MAGI2: variants seen among roughly 807,000 people sequenced by gnomAD.
The protein encoded by MAGI2 is membrane-associated guanylate kinase, WW and PDZ domain-containing protein 2.
A neutral mutation model predicts 133.3 loss-of-function variants in MAGI2; 35 were observed. The observed-to-expected ratio is 0.26, with a 90% CI of 0.20 to 0.35. The LOEUF (loss-of-function observed/expected upper bound fraction) is 0.35. Ranked by LOEUF, MAGI2 falls within the 10% of genes least tolerant of loss-of-function variation. The pLI is 1.00. For synonymous variants in MAGI2, 729 were observed against 710.6 expected (o/e 1.03, Z -0.41); for missense variants, 1,636 against 1,863.4 (o/e 0.88, Z 2.25).
intron 6 of MAGI2, among the ~76,000 whole-genome samples, chr7:78,396,285 C>G (rs1184948405): frequency 6.6e-6 from 1 of 152,178 alleles, no homozygotes. Flanking sequence ...CCAAATTCCA[C>G]ACAGAGACTA....
At chr7:78,466,134 A>G (rs1389738318) in intron 6 of MAGI2, among the ~76,000 whole-genome samples, 4 of 152,104 alleles carry the variant, frequency 2.6e-5, no homozygotes, top group African/African-American at 9.6e-5. Flanking sequence ...CTCAATTTGC[A>G]TGAAATTCCA....
At chr7:78,733,902 T>C (rs1030218038) in intron 2 of MAGI2, among the ~76,000 whole-genome samples, 4 of 152,172 alleles carry the variant, frequency 2.6e-5, no homozygotes, top group Non-Finnish European at 5.9e-5. Flanking sequence ...CCAACTGTAA[T>C]GGTCACATAT....
intron 10 of MAGI2, among the ~76,000 whole-genome samples, chr7:78,226,947 T>C (rs1242455227): frequency 1.3e-5 from 2 of 152,230 alleles, no homozygotes; most frequent in African/African-American, 4.8e-5. Flanking sequence ...GGGACATGCA[T>C]GATTAAATGC....
intron 2 of MAGI2, among the ~76,000 whole-genome samples, chr7:78,707,327 G>A (rs1436967056): frequency 6.6e-6 from 1 of 152,068 alleles, no homozygotes; most frequent in African/African-American, 2.4e-5. Context: ...TTTAATTGGT[G>A]ATGTGTTATT....
chr7:79,116,820 C>A (rs1329523045), intron 1 of MAGI2, among the ~76,000 whole-genome samples: 2 of 152,176 alleles, frequency 1.3e-5, no homozygotes, highest in African/African-American at 2.4e-5. Context: ...CCCCCTGTCA[C>A]CATATGATAC....
At chr7:79,352,969 C>CT (rs1286945828) in intron 1 of MAGI2, among the ~76,000 whole-genome samples, 1 of 152,050 alleles carries the variant, frequency 6.6e-6, no homozygotes, top group Non-Finnish European at 1.5e-5. Flanking sequence ...CCTTTACGTA[C>CT]TTTAACTTAT....
At chr7:78,410,722 A>G (rs182911679) in intron 6 of MAGI2, among the ~76,000 whole-genome samples, 13 of 152,024 alleles carry the variant, frequency 8.6e-5, no homozygotes, top group African/African-American at 3.1e-4. Flanking sequence ...GTAAGATGGG[A>G]AAGGAATCAC....
intron 3 of MAGI2, among the ~76,000 whole-genome samples, chr7:78,608,268 A>C (rs1650364853): frequency 6.6e-6 from 1 of 151,890 alleles, no homozygotes; most frequent in Non-Finnish European, 1.5e-5. Context: ...TCCTCTTCAC[A>C]AACCCTTTCT....
chr7:78,870,102 C>G (rs1185243830), intron 2 of MAGI2, among the ~76,000 whole-genome samples: 1 of 151,868 alleles, frequency 6.6e-6, no homozygotes, highest in South Asian at 2.1e-4. Flanking sequence ...GGAACTCCAA[C>G]AAATCACCAA....
At chr7:79,167,646 T>C (rs1825078890) in intron 1 of MAGI2, among the ~76,000 whole-genome samples, 1 of 152,054 alleles carries the variant, frequency 6.6e-6, no homozygotes, top group Non-Finnish European at 1.5e-5. Flanking sequence ...GCTAAATCTG[T>C]CCCTATGTTG....
At chr7:78,141,492 TG>T (rs1822747019) in intron 16 of MAGI2, among the ~76,000 whole-genome samples, 2 of 152,132 alleles carry the variant, frequency 1.3e-5, no homozygotes, top group Admixed American at 6.6e-5. Context: ...GGTGGAGATG[TG>T]GGAAAAAACA....
chr7:78,558,033 A>G (rs908995202), intron 3 of MAGI2, among the ~76,000 whole-genome samples: 1 of 152,054 alleles, frequency 6.6e-6, no homozygotes, highest in Non-Finnish European at 1.5e-5. Flanking sequence ...CTACTTAAAT[A>G]TAAATATTTT....
At chr7:79,286,853 A>T (rs980623711) in intron 1 of MAGI2, among the ~76,000 whole-genome samples, 7 of 151,950 alleles carry the variant, frequency 4.6e-5, no homozygotes, top group African/African-American at 1.5e-4. Context: ...TCCTATCTTT[A>T]AAAAAATTGT....
At chr7:79,259,933 C>T (rs547331387) in intron 1 of MAGI2, among the ~76,000 whole-genome samples, 1 of 152,172 alleles carries the variant, frequency 6.6e-6, no homozygotes, top group Admixed American at 6.5e-5. Flanking sequence ...GTTTTCTTGA[C>T]TATGTTGGTC....
chr7:78,926,678 A>T (rs372071246), intron 2 of MAGI2, among the ~76,000 whole-genome samples: 1 of 152,066 alleles, frequency 6.6e-6, no homozygotes, highest in East Asian at 1.9e-4. Context: ...TTATGGAATG[A>T]GGATGGACAT....
intron 1 of MAGI2, among the ~76,000 whole-genome samples, chr7:79,401,083 T>G (rs1845438821): frequency 6.6e-6 from 1 of 152,184 alleles, no homozygotes; most frequent in South Asian, 2.1e-4. Context: ...TTTCAAAGAT[T>G]TTTACATCCA....
intron 1 of MAGI2, among the ~76,000 whole-genome samples, chr7:79,248,793 T>C (rs879453870): frequency 1.3e-5 from 2 of 152,000 alleles, no homozygotes; most frequent in Non-Finnish European, 1.5e-5. Context: ...AAGAAGAAAA[T>C]TGAAAATTTT....
Position 78,420,488 on chromosome 7 carries a change from A to T in MAGI2, c.1046-51275T>A, listed in dbSNP as rs1378388551. Among the ~76,000 whole-genome samples the T allele has an allele frequency of 4.6e-5, 7 of 152,168 alleles. No individual in the cohort carries two copies. In the South Asian group the frequency reaches 1.4e-3, roughly 31 times the overall value. On this transcript the variant is annotated intron_variant, in intron 6 of 21. Transcript: ENST00000354212. The stretch of plus-strand genomic sequence containing the variant: ...TATTCAAAATGAAACCTTAAACTAC[A>T]CTGGAAGATAAACTGCATGCTTATC...
At chr7:78,709,550 C>CGTTTATTTTGTGATGTG (rs1300527937) in intron 2 of MAGI2, among the ~76,000 whole-genome samples, 2 of 152,172 alleles carry the variant, frequency 1.3e-5, no homozygotes, top group Admixed American at 1.3e-4. Context: ...GTGGCCATCA[C>CGTTTATTTTGTGATGTG]TTCAGTTCAC....
Sources: gnomAD v4.1 joint callset for allele counts (sites outside exome capture counted in the v4.1 genomes callset) on GRCh38, gnomAD v4.1.1 for gene constraint, MANE v1.5 for transcripts, NCBI Gene and HGNC (gene_info 2026-07-23, HGNC 2026-07-21) for gene names.